Variants in KAZN observed in about 807,000 individuals in gnomAD.
The protein encoded by KAZN is kazrin.
In KAZN, 40 loss-of-function variants were observed where a neutral mutation model predicts 87.4. The ratio of observed to expected loss-of-function variants is 0.46; its 90% CI spans 0.36 to 0.60. The LOEUF is 0.60. Among genes scored for constraint, KAZN ranks in the 20% least tolerant of loss-of-function variants. The probability of loss-of-function intolerance (pLI) is 0.00; values close to 1 mark genes in which losing one functional copy is unlikely to be tolerated. For synonymous variants in KAZN, 466 were observed against 458.3 expected (o/e 1.02, Z -0.22); for missense variants, 898 against 1,073.9 (o/e 0.84, Z 2.29).
intron 2 of KAZN, among the ~76,000 whole-genome samples, chr1:14,276,405 TAACAAAGTACCAAA>T (rs1337370331): frequency 1.3e-5 from 2 of 152,088 alleles, no homozygotes; most frequent in Admixed American, 1.3e-4. Flanking sequence ...GGGACTGCCT[TAACAAAGTACCAAA>T]AACAAGGGAG....
intron 1 of KAZN, among the ~76,000 whole-genome samples, chr1:13,935,862 ATGTG>A (rs143281844): frequency 0.028 from 3,533 of 124,176 alleles, 54 homozygotes; most frequent in South Asian, 0.057. Flanking sequence ...TTACATCCTA[ATGTG>A]TGTGTGTGTG....
chr1:14,145,238 C>T (rs1645320708), intron 1 of KAZN, among the ~76,000 whole-genome samples: 1 of 152,120 alleles, frequency 6.6e-6, no homozygotes, highest in South Asian at 2.1e-4. Context: ...AGCCCAGGAG[C>T]TTGAGACCAG....
intron 1 of KAZN, among the ~76,000 whole-genome samples, chr1:14,673,588 A>T (rs1272234058): frequency 6.6e-6 from 1 of 151,970 alleles, no homozygotes; most frequent in Non-Finnish European, 1.5e-5. Context: ...GCAGCTGGAG[A>T]AGGAAGACGT....
intron 1 of KAZN, among the ~76,000 whole-genome samples, chr1:14,717,183 C>A (rs907761241): frequency 3.3e-5 from 5 of 151,600 alleles, no homozygotes; most frequent in Non-Finnish European, 5.9e-5. Context: ...CCACTCCCCC[C>A]TACTCACTGG....
intron 1 of KAZN, among the ~76,000 whole-genome samples, chr1:14,136,622 A>AGTACCCTG (rs76239958): frequency 0.54 from 81,163 of 151,246 alleles, 22,793 homozygotes; most frequent in East Asian, 0.73. Flanking sequence ...CCAGGTGCAC[A>AGTACCCTG]GTACCCTGGA....
chr1:14,795,125 C>T (rs1193302014), intron 1 of KAZN, among the ~76,000 whole-genome samples: 1 of 152,074 alleles, frequency 6.6e-6, no homozygotes, highest in East Asian at 1.9e-4. Flanking sequence ...CTTTCTTGCT[C>T]CTCCCTCTTC....
chr1:14,130,549 GGGA>G (rs150229849), intron 1 of KAZN, among the ~76,000 whole-genome samples: 86,862 of 151,672 alleles, frequency 0.57, 26,153 homozygotes, highest in East Asian at 0.76. Context: ...TTGGGGTGGA[GGGA>G]GGAGATCTGT....
chr1:14,168,661 G>T (rs922928142), intron 1 of KAZN, among the ~76,000 whole-genome samples: 2 of 152,174 alleles, frequency 1.3e-5, no homozygotes, highest in African/African-American at 4.8e-5. Flanking sequence ...ATTTAGTGTA[G>T]CGATGAATTG....
At chr1:13,907,402 G>T (rs1453860405) in intron 1 of KAZN, among the ~76,000 whole-genome samples, 2 of 152,110 alleles carry the variant, frequency 1.3e-5, no homozygotes, top group African/African-American at 4.8e-5. Context: ...AGCAGGAAGT[G>T]GTAGAGAAGA....
At chr1:14,387,970 C>T (rs1036961451) in intron 2 of KAZN, among the ~76,000 whole-genome samples, 30 of 152,284 alleles carry the variant, frequency 2.0e-4, no homozygotes, top group South Asian at 2.1e-4. Context: ...AGCGAGACTC[C>T]GTGGGCGTAG....
chr1:14,094,398 A>G (rs917530194), intron 1 of KAZN, among the ~76,000 whole-genome samples: 2 of 152,182 alleles, frequency 1.3e-5, no homozygotes, highest in Non-Finnish European at 2.9e-5. Context: ...TAAGTCAAAA[A>G]TTCAAGGACA....
chr1:14,400,346 A>T (rs1663296287), intron 2 of KAZN, among the ~76,000 whole-genome samples: 1 of 152,166 alleles, frequency 6.6e-6, no homozygotes. Context: ...AACTCTCATA[A>T]ATCATAAAAT....
chr1:14,514,156 T>TA (rs1416985999), intron 2 of KAZN, among the ~76,000 whole-genome samples: 37 of 138,324 alleles, frequency 2.7e-4, no homozygotes, highest in East Asian at 6.3e-4. Context: ...CCGTCTCTAC[T>TA]AAAAAAAAAT....
chr1:14,301,892 C>T (rs1336704920), intron 2 of KAZN, among the ~76,000 whole-genome samples: 5 of 152,150 alleles, frequency 3.3e-5, no homozygotes, highest in South Asian at 2.1e-4. Flanking sequence ...ACCCCTGCAT[C>T]GCTTCCTTCC....
intron 1 of KAZN, among the ~76,000 whole-genome samples, chr1:13,917,667 T>C (rs1639903573): frequency 6.6e-6 from 1 of 151,790 alleles, no homozygotes; most frequent in Admixed American, 6.6e-5. Flanking sequence ...GGTGTAGTGA[T>C]GCAGCTGTGG....
At chr1:15,055,950 A>T in intron 4 of KAZN, 141 bp from the exon 5 acceptor site, 1 of 784,056 alleles carries the variant, frequency 1.3e-6, no homozygotes, top group Non-Finnish European at 2.1e-6. Context: ...TTGACTTACC[A>T]ATTGACGCTC....
chr1:15,099,851 G>A lies in KAZN; in HGVS notation c.1548-1692G>A, dbSNP rs1347056210. Among the ~76,000 whole-genome samples, 2 of 152,188 alleles carry A rather than the reference G, an allele frequency of 1.3e-5. No individual in the cohort carries two copies. Among genetic ancestry groups the A allele is most frequent in the African/African-American group, 2.4e-5 (1 of 41,452 alleles). On this transcript the variant is annotated intron_variant, in intron 10 of 14. Coordinates refer to ENST00000376030, the MANE Select transcript of KAZN (RefSeq NM_201628.3). This position sits in a 1 kb window ranked among gnomAD's most constrained non-coding sequence, Gnocchi z 5.4. ...GAAACCCACACCAGAGACGCCTGCA[G>A]CTTAGAGCTGGGAAAGGAGAGAAGT...
chr1:14,777,891 G>A (rs893448155), intron 1 of KAZN, among the ~76,000 whole-genome samples: 11 of 151,830 alleles, frequency 7.2e-5, no homozygotes, highest in East Asian at 3.9e-4. Flanking sequence ...AAACTGTCAC[G>A]GTGCTGGTGG....
At chr1:14,967,695 C>T (rs928604584) in intron 2 of KAZN, among the ~76,000 whole-genome samples, 4 of 152,148 alleles carry the variant, frequency 2.6e-5, no homozygotes, top group African/African-American at 9.7e-5. Flanking sequence ...CCTTGACACA[C>T]CGTTGCTGGC....
Sources: gnomAD v4.1 joint callset for allele counts (sites outside exome capture counted in the v4.1 genomes callset) on GRCh38, gnomAD v4.1.1 for gene constraint, Gnocchi (gnomAD v3.1) non-coding constraint, MANE v1.5 for transcripts, NCBI Gene and HGNC (gene_info 2026-07-23, HGNC 2026-07-21) for gene names.